Variants in SUCLG2 observed in about 807,000 individuals in gnomAD.
The protein encoded by SUCLG2 is succinate--CoA ligase [GDP-forming] subunit beta, mitochondrial.
A neutral mutation model predicts 47.9 loss-of-function variants in SUCLG2; 42 were observed. The observed-to-expected ratio is 0.88, with a 90% CI of 0.69 to 1.14. The LOEUF (loss-of-function observed/expected upper bound fraction) is 1.14, where lower values mean the gene tolerates loss of function less well. SUCLG2 is among the 50% of genes most tolerant of loss of function. The pLI is 0.00. For synonymous variants in SUCLG2, 195 were observed against 197.3 expected, an observed-to-expected ratio of 0.99 and a Z score of 0.10; for missense variants, 571 against 525.9, an observed-to-expected ratio of 1.09 and a Z score of -0.84.
In SUCLG2 at chr3:67,484,712, G is replaced by A. The variant is rs989954359; in HGVS notation, c.1062+11086C>T. On this transcript the variant is annotated intron_variant, in intron 9 of 10. Coordinates refer to ENST00000307227, the MANE Select transcript of SUCLG2 (RefSeq NM_003848.4). ...TGAATAAATAAAGAGATTATTCAGC[G>A]GTGAGGACTGTAAATTGTAAATATC... is the stretch of plus-strand genomic sequence containing the variant. Among the ~76,000 whole-genome samples the A allele has an allele frequency of 3.3e-5, 5 of 152,092 alleles. No individual in the cohort carries two copies. The East Asian group carries it at 7.7e-4, about 23-fold the overall frequency.
At chr3:67,495,972 T>C (rs1395224148) in intron 8 of SUCLG2, 32 bp from the exon 9 acceptor site, 45 of 1,612,928 alleles carry the variant, frequency 2.8e-5, no homozygotes, top group Non-Finnish European at 3.6e-5. Flanking sequence ...CAAGACAGGC[T>C]ACATTTAGCA....
chr3:67,396,294 A>G (rs948640621), intron 10 of SUCLG2, among the ~76,000 whole-genome samples: 1 of 152,134 alleles, frequency 6.6e-6, no homozygotes, highest in Non-Finnish European at 1.5e-5. Context: ...TAAAGAAGAA[A>G]AGAGAGAGGA....
At chr3:67,492,296 T>C (rs1705225864) in intron 9 of SUCLG2, among the ~76,000 whole-genome samples, 1 of 152,190 alleles carries the variant, frequency 6.6e-6, no homozygotes, top group Non-Finnish European at 1.5e-5. Context: ...CACAAGATGT[T>C]TCGTGTAAGT....
chr3:67,407,772 T>TA (rs113307918), intron 9 of SUCLG2, among the ~76,000 whole-genome samples: 3 of 152,270 alleles, frequency 2.0e-5, no homozygotes, highest in African/African-American at 7.2e-5. Flanking sequence ...AGGACTTTTT[T>TA]AAAAAAATCA....
chr3:67,416,734 A>T (rs1005327184), intron 9 of SUCLG2, among the ~76,000 whole-genome samples: 28 of 152,348 alleles, frequency 1.8e-4, no homozygotes, highest in African/African-American at 6.5e-4. Flanking sequence ...TAAGTATATG[A>T]CTATCCACAT....
chr3:67,647,783 C>G (rs1402557173), intron 1 of SUCLG2, among the ~76,000 whole-genome samples: 1 of 152,166 alleles, frequency 6.6e-6, no homozygotes, highest in Non-Finnish European at 1.5e-5. Flanking sequence ...TGAAGATAAT[C>G]AGAGCCCGGG....
intron 9 of SUCLG2, among the ~76,000 whole-genome samples, chr3:67,423,477 G>C (rs1264211225): frequency 1.3e-5 from 2 of 152,098 alleles, no homozygotes; most frequent in African/African-American, 2.4e-5. Context: ...GGGCTAACCT[G>C]ATATGAGTAC....
At chr3:67,468,957 G>C (rs991932289) in intron 9 of SUCLG2, among the ~76,000 whole-genome samples, 6 of 152,184 alleles carry the variant, frequency 3.9e-5, no homozygotes, top group African/African-American at 1.2e-4. Flanking sequence ...CAGGTGTAAG[G>C]AGTGCGTACA....
intron 2 of SUCLG2, among the ~76,000 whole-genome samples, chr3:67,567,498 C>A (rs1057373636): frequency 9.2e-5 from 14 of 152,062 alleles, no homozygotes; most frequent in Non-Finnish European, 1.8e-4. Context: ...AGGCTGGTCT[C>A]AAACTCCTGG....
Position 67,624,687 on chromosome 3 carries a change from A to G in SUCLG2, c.85-15091T>C, listed in dbSNP as rs138037988. Among the ~76,000 whole-genome samples, 8 of 152,328 alleles carry G rather than the reference A, an allele frequency of 5.3e-5. No homozygotes were observed. In the East Asian group the frequency reaches 1.4e-3, roughly 26 times the overall value. On this transcript the variant is annotated intron_variant, in intron 1 of 10. Coordinates refer to ENST00000307227, the MANE Select transcript of SUCLG2 (RefSeq NM_003848.4). The stretch of plus-strand genomic sequence containing the variant: ...TTTAGCCAGGGAGGGGGAGAGGGTA[A>G]ATCATCCAAATATTACTTTTATCTA...
At chr3:67,451,186 T>C (rs896626299) in intron 9 of SUCLG2, among the ~76,000 whole-genome samples, 1 of 152,228 alleles carries the variant, frequency 6.6e-6, no homozygotes, top group African/African-American at 2.4e-5. Flanking sequence ...TTCACAATTC[T>C]AAATCTGTAG....
intron 10 of SUCLG2, among the ~76,000 whole-genome samples, chr3:67,379,274 C>T (rs771717616): frequency 3.3e-4 from 50 of 152,254 alleles, no homozygotes; most frequent in Non-Finnish European, 5.1e-4. Context: ...CCTGCAGAGA[C>T]GTAGACTAGG....
At chr3:67,503,273 G>C (rs774405547) in intron 7 of SUCLG2, among the ~76,000 whole-genome samples, 29 of 152,104 alleles carry the variant, frequency 1.9e-4, no homozygotes, top group Non-Finnish European at 3.4e-4. Flanking sequence ...ATATTTTATA[G>C]TGAAGGAGAA....
intron 4 of SUCLG2, 147 bp from the exon 5 acceptor site, chr3:67,520,781 T>G: frequency 1.2e-6 from 1 of 861,864 alleles, no homozygotes; most frequent in East Asian, 2.6e-5. Context: ...TTGAGAGTTC[T>G]GCTCTCATGG....
At chr3:67,560,229 T>A (rs1707273352) in intron 2 of SUCLG2, among the ~76,000 whole-genome samples, 1 of 152,202 alleles carries the variant, frequency 6.6e-6, no homozygotes, top group African/African-American at 2.4e-5. Flanking sequence ...AATGGCATCA[T>A]TAGGGTAGGC....
chr3:67,568,653 C>T (rs1021483011), intron 2 of SUCLG2, among the ~76,000 whole-genome samples: 16 of 152,122 alleles, frequency 1.1e-4, no homozygotes, highest in African/African-American at 3.4e-4. Context: ...TTTGGGAGGC[C>T]GAGGCGGGCG....
At chr3:67,651,260 G>T (rs1485295351) in intron 1 of SUCLG2, among the ~76,000 whole-genome samples, 1 of 152,094 alleles carries the variant, frequency 6.6e-6, no homozygotes, top group Non-Finnish European at 1.5e-5. Context: ...AACCTCCTTA[G>T]CAGACCCTGC....
chr3:67,499,836 A>C (rs1705449303), intron 7 of SUCLG2, among the ~76,000 whole-genome samples: 1 of 152,008 alleles, frequency 6.6e-6, no homozygotes, highest in African/African-American at 2.4e-5. Flanking sequence ...GGTTCAAGCG[A>C]TTCTCCTGCC....
At chr3:67,607,176 T>A (rs1700433984) in intron 2 of SUCLG2, among the ~76,000 whole-genome samples, 1 of 152,176 alleles carries the variant, frequency 6.6e-6, no homozygotes, top group Non-Finnish European at 1.5e-5. Context: ...ATGCAAATCC[T>A]TCTAGTGTCC....
Sources: allele counts gnomAD v4.1 joint callset (sites outside exome capture counted in the v4.1 genomes callset), GRCh38; gene constraint gnomAD v4.1.1; transcripts MANE v1.5; gene names NCBI Gene and HGNC (gene_info 2026-07-23, HGNC 2026-07-21).